ZFPM1: variants seen among roughly 807,000 people sequenced by gnomAD.
The protein encoded by ZFPM1 is zinc finger protein ZFPM1.
Under a neutral mutation model 46.3 loss-of-function variants are expected in ZFPM1, and 28 were observed. The observed-to-expected ratio is 0.60, with a 90% CI of 0.45 to 0.83. ZFPM1 has a LOEUF of 0.83. ZFPM1 is among the 40% of genes least tolerant of loss of function. The pLI is 0.00. For synonymous variants in ZFPM1, 957 were observed against 675.9 expected (o/e 1.42, Z -6.45); for missense variants, 1,878 against 1,432.4 (o/e 1.31, Z -5.02).
At position 88,534,596 on chromosome 16, in the gene ZFPM1, C is replaced by G; in HGVS notation, c.2638C>G (p.Leu880Val). The G allele has an allele frequency of 8.1e-7, 1 of 1,228,924 alleles. No individual in the cohort carries two copies. Among genetic ancestry groups the G allele is most frequent in the Non-Finnish European group, 1.0e-6 (1 of 983,012 alleles). 76.1% of individuals were successfully genotyped at this position (1,228,924 alleles called of 1,614,324 possible). ...GCATTTCCGCCTGGCGCACGGCCTG[C>G]TGCTCGGCGCGCCCCTGGCCGGCCC... ...LEHFRLAHGL[L>V]LGAPLAGPGV... The change falls in exon 10 of 10, where the codon CTG becomes GTG. Residue 880 changes from leucine (L) to valine (V), a missense_variant. By Grantham distance (32) the Leu-to-Val change is conservative. Coordinates refer to ENST00000319555, the MANE Select transcript of ZFPM1 (RefSeq NM_153813.3).
chr16:88,511,388 T>C (rs370916613), intron 3 of ZFPM1, among the ~76,000 whole-genome samples: 21 of 152,126 alleles, frequency 1.4e-4, no homozygotes, highest in African/African-American at 4.3e-4. Flanking sequence ...TTCCTGGTGG[T>C]GGGGTTGGGT....
At chr16:88,462,535 A>G (rs893033580) in intron 1 of ZFPM1, among the ~76,000 whole-genome samples, 2 of 152,162 alleles carry the variant, frequency 1.3e-5, no homozygotes, top group African/African-American at 4.8e-5. Flanking sequence ...TGCTGTGCCT[A>G]GGACCTGCAT....
rs1018671019 is a variant in ZFPM1, at chr16:88,522,303, G to A, written c.403-4511G>A. On this transcript the variant is annotated intron_variant, in intron 4 of 9. Transcript: ENST00000319555. ...AGGGACCAGCTGGTGCCTCTGTTAA[G>A]GTGATGGGGAGGTGGAGGACTTCTC... Among the ~76,000 whole-genome samples, 4 of 152,242 alleles carry A rather than the reference G, an allele frequency of 2.6e-5. No homozygotes were observed. The South Asian group carries it at 8.3e-4, about 31-fold the overall frequency.
At chr16:88,487,909 C>T (rs9928569) in intron 2 of ZFPM1, among the ~76,000 whole-genome samples, 86,088 of 152,094 alleles carry the variant, frequency 0.57, 24,633 homozygotes, top group Non-Finnish European at 0.59. Flanking sequence ...TCTGGTGAGG[C>T]CTGGGACCCG....
rs933877922 is a variant in ZFPM1, at chr16:88,497,011, G to C, written c.268+7858G>C. On this transcript the variant is annotated intron_variant, in intron 3 of 9. Coordinates refer to ENST00000319555, the MANE Select transcript of ZFPM1 (RefSeq NM_153813.3). This position sits in a 1 kb window ranked among gnomAD's most constrained non-coding sequence, Gnocchi z 5.4. ...CCAGGCCTGCCCCTGCCCAGGAGCC[G>C]CACACACCTGCTCCTGGCTCGCTCC... Among the ~76,000 whole-genome samples the C allele has an allele frequency of 2.0e-5, 3 of 152,180 alleles. No homozygotes were observed. Among genetic ancestry groups the C allele is most frequent in the Non-Finnish European group, 4.4e-5 (3 of 68,026 alleles).
At chr16:88,456,582 A>G (rs567015325) in intron 1 of ZFPM1, among the ~76,000 whole-genome samples, 66 of 152,214 alleles carry the variant, frequency 4.3e-4, no homozygotes, top group African/African-American at 1.5e-3. Flanking sequence ...AGCAGGGGGC[A>G]CGTCAGGTGG....
chr16:88,489,348 C>A, intron 3 of ZFPM1, 195 bp downstream of exon 3: 1 of 841,656 alleles, frequency 1.2e-6, no homozygotes, highest in Non-Finnish European at 1.7e-6. Context: ...ACCCTCGCGC[C>A]AATCCCGGGC....
At chr16:88,502,292 T>C (rs1390707267) in intron 3 of ZFPM1, among the ~76,000 whole-genome samples, 1 of 151,966 alleles carries the variant, frequency 6.6e-6, no homozygotes, top group Non-Finnish European at 1.5e-5. Flanking sequence ...GGCAAGATGC[T>C]ATCTCGGGTT....
intron 1 of ZFPM1, among the ~76,000 whole-genome samples, chr16:88,474,679 A>G (rs1908592868): frequency 2.0e-5 from 3 of 152,110 alleles, no homozygotes; most frequent in African/African-American, 7.2e-5. Flanking sequence ...CCCTGTCTGA[A>G]GCCAGCCCCC....
chr16:88,453,739 C>A, intron 1 of ZFPM1, 61 bp downstream of exon 1: 1 of 1,034,590 alleles, frequency 9.7e-7, no homozygotes, highest in Non-Finnish European at 1.2e-6. Flanking sequence ...AGCCCAGCCG[C>A]CAGCGCCGCC....
chr16:88,455,372 G>A (rs906247311), intron 1 of ZFPM1, among the ~76,000 whole-genome samples: 5 of 152,256 alleles, frequency 3.3e-5, no homozygotes, highest in Non-Finnish European at 7.4e-5. Flanking sequence ...CCTCGTTGCG[G>A]CCCGGGACCG....
intron 1 of ZFPM1, among the ~76,000 whole-genome samples, chr16:88,477,250 A>G (rs1395538509): frequency 6.6e-6 from 1 of 152,224 alleles, no homozygotes; most frequent in African/African-American, 2.4e-5. Context: ...TTGGCCTGTG[A>G]GGGCCCCGGG....
chr16:88,496,541 T>C (rs1909940949), intron 3 of ZFPM1, among the ~76,000 whole-genome samples: 1 of 151,856 alleles, frequency 6.6e-6, no homozygotes, highest in African/African-American at 2.4e-5. Context: ...TGGGGTACCC[T>C]GCGGCTGAGA....
intron 4 of ZFPM1, among the ~76,000 whole-genome samples, chr16:88,519,110 G>T (rs1271234679): frequency 7.8e-6 from 1 of 128,326 alleles, no homozygotes; most frequent in African/African-American, 3.0e-5. Context: ...GGGTGGATGG[G>T]TGGATGGATG....
At chr16:88,530,902 A>G (rs1357873874) in intron 6 of ZFPM1, 1 of 152,298 alleles carries the variant, frequency 6.6e-6, no homozygotes, top group Non-Finnish European at 1.5e-5. Flanking sequence ...TCGTTAGAAC[A>G]GCGAGGTGGA....
chr16:88,490,376 G>A (rs1369424776), intron 3 of ZFPM1, among the ~76,000 whole-genome samples: 3 of 152,276 alleles, frequency 2.0e-5, no homozygotes. Flanking sequence ...AGTGCCTGCT[G>A]TGTGCCAGGC....
intron 1 of ZFPM1, among the ~76,000 whole-genome samples, chr16:88,485,689 C>G (rs898176663): frequency 2.0e-5 from 3 of 152,174 alleles, no homozygotes; most frequent in Non-Finnish European, 4.4e-5. Context: ...ATCCTCCCAC[C>G]TCAGCCTCCC....
chr16:88,519,077 G>GATGGA (rs1911589404), intron 4 of ZFPM1, among the ~76,000 whole-genome samples: 1 of 148,324 alleles, frequency 6.7e-6, no homozygotes, highest in Non-Finnish European at 1.5e-5. Flanking sequence ...TGGATGGATG[G>GATGGA]ATGGATGGAT....
At chr16:88,511,597 A>T (rs1014443106) in intron 3 of ZFPM1, among the ~76,000 whole-genome samples, 7 of 151,974 alleles carry the variant, frequency 4.6e-5, no homozygotes, top group African/African-American at 1.7e-4. Flanking sequence ...GAGGCACCCC[A>T]TCTGCCAGGA....
Sources: gnomAD v4.1 joint callset for allele counts (sites outside exome capture counted in the v4.1 genomes callset) on GRCh38, gnomAD v4.1.1 for gene constraint, Gnocchi (gnomAD v3.1) non-coding constraint, MANE v1.5 for transcripts, NCBI Gene and HGNC (gene_info 2026-07-23, HGNC 2026-07-21) for gene names.